FAM171A1: variants seen among roughly 807,000 people sequenced by gnomAD.
The protein encoded by FAM171A1 is protein FAM171A1.
A neutral mutation model predicts 74.9 loss-of-function variants in FAM171A1; 23 were observed. The observed-to-expected ratio is 0.31, with a 90% CI of 0.22 to 0.44. FAM171A1 has a LOEUF of 0.44. Ranked by LOEUF, FAM171A1 falls within the 20% of genes least tolerant of loss-of-function variation. The pLI is 1.00. For synonymous variants in FAM171A1, 527 were observed against 505.7 expected (o/e 1.04, Z -0.57); for missense variants, 1,162 against 1,159.2 (o/e 1.00, Z -0.03).
intron 1 of FAM171A1, among the ~76,000 whole-genome samples, chr10:15,341,453 T>G (rs1329161511): frequency 6.6e-6 from 1 of 152,122 alleles, no homozygotes; most frequent in African/African-American, 2.4e-5. Flanking sequence ...TATTCGAGAG[T>G]TTTTTTCCTC....
chr10:15,239,692 T>C (rs1467768595), intron 5 of FAM171A1, among the ~76,000 whole-genome samples: 2 of 152,206 alleles, frequency 1.3e-5, no homozygotes, highest in African/African-American at 4.8e-5. Flanking sequence ...ATTCCGCTGA[T>C]TCTTTAAGGA....
chr10:15,215,969 G>A, intron 7 of FAM171A1, 27 bp downstream of exon 7: 4 of 1,461,512 alleles, frequency 2.7e-6, no homozygotes, highest in African/African-American at 2.9e-5. Flanking sequence ...AATTAAAAAA[G>A]ATATTGCCAA....
upstream of FAM171A1, among the ~76,000 whole-genome samples, chr10:15,372,563 T>A (rs1409525779): frequency 1.3e-5 from 2 of 151,814 alleles, no homozygotes; most frequent in Non-Finnish European, 2.9e-5. Flanking sequence ...CCAGGCATAG[T>A]GGCCCATGCC....
intron 3 of FAM171A1, among the ~76,000 whole-genome samples, chr10:15,259,978 A>G (rs1463182638): frequency 6.6e-6 from 1 of 152,066 alleles, no homozygotes; most frequent in Non-Finnish European, 1.5e-5. Context: ...GGCACATGCC[A>G]CAACACCTGG....
At chr10:15,318,536 G>A (rs1251618677) in intron 1 of FAM171A1, among the ~76,000 whole-genome samples, 1 of 152,146 alleles carries the variant, frequency 6.6e-6, no homozygotes, top group Non-Finnish European at 1.5e-5. Flanking sequence ...TTGGATCCCG[G>A]GTGACAGAAA....
At chr10:15,262,025 G>C (rs189594090) in intron 3 of FAM171A1, among the ~76,000 whole-genome samples, 2 of 152,320 alleles carry the variant, frequency 1.3e-5, no homozygotes, top group Admixed American at 1.3e-4. Flanking sequence ...ACAGGCAAGA[G>C]AATCATTTGA....
intron 1 of FAM171A1, among the ~76,000 whole-genome samples, chr10:15,349,470 G>C (rs564015130): frequency 6.6e-6 from 1 of 152,082 alleles, no homozygotes; most frequent in South Asian, 2.1e-4. Flanking sequence ...TTCAATTCCT[G>C]TAAAGGCCAG....
intron 1 of FAM171A1, among the ~76,000 whole-genome samples, chr10:15,284,420 G>A (rs571751705): frequency 0.038 from 513 of 13,592 alleles, 1 homozygote; most frequent in Middle Eastern, 0.17. Flanking sequence ...AATACTTCGT[G>A]TGTGTGTGTG....
At chr10:15,323,318 T>C (rs1390767538) in intron 1 of FAM171A1, among the ~76,000 whole-genome samples, 1 of 151,882 alleles carries the variant, frequency 6.6e-6, no homozygotes, top group Non-Finnish European at 1.5e-5. Context: ...CTTGGTGTGG[T>C]GGCACGCATC....
intron 5 of FAM171A1, among the ~76,000 whole-genome samples, chr10:15,237,838 C>T (rs1834313608): frequency 6.6e-6 from 1 of 151,892 alleles, no homozygotes; most frequent in African/African-American, 2.4e-5. Context: ...ATTTTGACAT[C>T]TGGGAAAGTA....
chr10:15,230,507 G>A (rs1451826907), intron 5 of FAM171A1, among the ~76,000 whole-genome samples: 1 of 152,190 alleles, frequency 6.6e-6, no homozygotes, highest in African/African-American at 2.4e-5. Flanking sequence ...TGTAACCAAC[G>A]ACCTTCTGTT....
chr10:15,274,018 T>A (rs975020572), intron 3 of FAM171A1, among the ~76,000 whole-genome samples: 2 of 152,160 alleles, frequency 1.3e-5, no homozygotes, highest in African/African-American at 4.8e-5. Context: ...CAACATAGTG[T>A]TGGAAGTTCT....
At chr10:15,230,531 C>A (rs946312543) in intron 5 of FAM171A1, among the ~76,000 whole-genome samples, 1 of 152,210 alleles carries the variant, frequency 6.6e-6, no homozygotes, top group African/African-American at 2.4e-5. Flanking sequence ...AGCATGAAAT[C>A]ATGAATGTGT....
intron 1 of FAM171A1, among the ~76,000 whole-genome samples, chr10:15,327,613 T>C (rs1955344): frequency 0.68 from 102,852 of 151,734 alleles, 35,146 homozygotes; most frequent in East Asian, 0.92. Context: ...ATTGCACCAC[T>C]GCAGTCTAGC....
intron 5 of FAM171A1, among the ~76,000 whole-genome samples, chr10:15,228,416 C>T (rs1260751610): frequency 4.1e-5 from 6 of 147,244 alleles, no homozygotes; most frequent in African/African-American, 7.6e-5. Flanking sequence ...TATCTTGGCT[C>T]ACTGCAACCT....
intron 3 of FAM171A1, among the ~76,000 whole-genome samples, chr10:15,274,905 T>C (rs1588527266): frequency 2.6e-5 from 4 of 152,164 alleles, no homozygotes; most frequent in Non-Finnish European, 1.5e-5. Context: ...ATGTACACCA[T>C]GGAATACTAT....
At chr10:15,303,807 AG>A (rs1210957656) in intron 1 of FAM171A1, among the ~76,000 whole-genome samples, 1 of 152,242 alleles carries the variant, frequency 6.6e-6, no homozygotes, top group Non-Finnish European at 1.5e-5. Flanking sequence ...GGAGAGTTGC[AG>A]GATCAGTGAC....
At chr10:15,343,542 T>C (rs913659451) in intron 1 of FAM171A1, among the ~76,000 whole-genome samples, 9 of 152,146 alleles carry the variant, frequency 5.9e-5, no homozygotes, top group Non-Finnish European at 1.2e-4. Context: ...GAGGACGACA[T>C]CTGAAGGGGA....
chr10:15,240,839 A>T (rs1036727890), intron 5 of FAM171A1: 1 of 611,118 alleles, frequency 1.6e-6, no homozygotes, highest in African/African-American at 2.0e-5. Context: ...CAGGAGTCTG[A>T]GACCAGTCTG....
Sources: gnomAD v4.1 joint callset for allele counts (sites outside exome capture counted in the v4.1 genomes callset) on GRCh38, gnomAD v4.1.1 for gene constraint, MANE v1.5 for transcripts, NCBI Gene and HGNC (gene_info 2026-07-23, HGNC 2026-07-21) for gene names.